Variants in HCN1 observed in about 807,000 individuals in gnomAD.
HCN1 encodes the protein hyperpolarization activated cyclic nucleotide gated potassium channel 1.
Under a neutral mutation model 78.9 loss-of-function variants are expected in HCN1, and 13 were observed. That is an observed-to-expected ratio of 0.16 (90% CI 0.11 to 0.26). HCN1 has a LOEUF of 0.26. Among genes scored for constraint, HCN1 ranks in the 10% least tolerant of loss-of-function variants. The probability of loss-of-function intolerance (pLI) is 1.00; values close to 1 mark genes in which losing one functional copy is unlikely to be tolerated. For synonymous variants in HCN1, 552 were observed against 455.5 expected, an observed-to-expected ratio of 1.21 and a Z score of -2.70; for missense variants, 810 against 1,154.3, an observed-to-expected ratio of 0.70 and a Z score of 4.32.
intron 2 of HCN1, among the ~76,000 whole-genome samples, chr5:45,525,961 C>T (rs1579949784): frequency 6.6e-6 from 1 of 151,846 alleles, no homozygotes; most frequent in Non-Finnish European, 1.5e-5. Context: ...GAGAGCTAAC[C>T]CTTTCTAGCC....
intron 2 of HCN1, chr5:45,644,833 T>A (rs531690857): frequency 2.5e-5 from 7 of 281,620 alleles, no homozygotes; most frequent in African/African-American, 1.1e-4. Flanking sequence ...ACCCTACACA[T>A]CTTTATCAAA....
intron 5 of HCN1, among the ~76,000 whole-genome samples, chr5:45,321,413 T>C (rs191805323): frequency 1.3e-5 from 2 of 151,106 alleles, no homozygotes; most frequent in Admixed American, 6.6e-5. Flanking sequence ...GCTACAGAGC[T>C]AGAATATGTG....
intron 5 of HCN1, among the ~76,000 whole-genome samples, chr5:45,315,134 C>T (rs1745953677): frequency 1.3e-5 from 2 of 152,218 alleles, no homozygotes; most frequent in Admixed American, 6.5e-5. Context: ...CCACATCACA[C>T]TTATTCCAAA....
At chr5:45,378,193 G>T (rs1323576152) in intron 4 of HCN1, among the ~76,000 whole-genome samples, 3 of 151,902 alleles carry the variant, frequency 2.0e-5, no homozygotes, top group African/African-American at 7.2e-5. Flanking sequence ...GCAAATGTCA[G>T]GAAGAAAACC....
chr5:45,300,750 A>T (rs1218580648), intron 6 of HCN1, among the ~76,000 whole-genome samples: 1 of 152,054 alleles, frequency 6.6e-6, no homozygotes, highest in Non-Finnish European at 1.5e-5. Context: ...TTCATTTCTT[A>T]TCCCATCTAA....
At chr5:45,544,947 T>C (rs1003554301) in intron 2 of HCN1, among the ~76,000 whole-genome samples, 2 of 152,158 alleles carry the variant, frequency 1.3e-5, no homozygotes, top group Non-Finnish European at 2.9e-5. Flanking sequence ...TGATTTATAA[T>C]CCTTTGGGTA....
At chr5:45,640,708 G>A (rs1465970259) in intron 2 of HCN1, among the ~76,000 whole-genome samples, 1 of 151,658 alleles carries the variant, frequency 6.6e-6, no homozygotes, top group African/African-American at 2.4e-5. Flanking sequence ...CTGAGAAGCT[G>A]AGATTACAGG....
intron 5 of HCN1, among the ~76,000 whole-genome samples, chr5:45,305,471 G>A (rs535272822): frequency 5.3e-5 from 8 of 152,208 alleles, no homozygotes; most frequent in African/African-American, 1.7e-4. Context: ...GCAAAGACAA[G>A]AGAAAGATAT....
At chr5:45,491,673 C>T (rs906882066) in intron 2 of HCN1, among the ~76,000 whole-genome samples, 4 of 152,120 alleles carry the variant, frequency 2.6e-5, no homozygotes, top group South Asian at 2.1e-4. Flanking sequence ...AGGACATTTT[C>T]AGTTGAATAA....
rs536261824 is a variant in HCN1 at position 45,671,801 on chromosome 5, C to A, written c.425+23868G>T. 9.2e-5 allele frequency among the ~76,000 whole-genome samples: 14 copies of A among 151,568 alleles called. No individual in the cohort carries two copies. In the South Asian group the frequency reaches 2.3e-3, roughly 25 times the overall value. On this transcript the variant is annotated intron_variant, in intron 1 of 7. Transcript: ENST00000303230. Reference sequence around the variant, plus strand: ...TCTGACATGGTTCTGTTCTAAGTTACCACTAATTTAAATTGAGTTAGGACT... The same window carrying A: ...TCTGACATGGTTCTGTTCTAAGTTAACACTAATTTAAATTGAGTTAGGACT...
intron 6 of HCN1, among the ~76,000 whole-genome samples, chr5:45,303,176 T>C (rs1745661527): frequency 6.6e-6 from 1 of 152,250 alleles, no homozygotes; most frequent in East Asian, 1.9e-4. Flanking sequence ...AGTAGGAATA[T>C]CAAACAGAAG....
rs371475458 is a variant in HCN1, at chr5:45,501,768, G to A, written c.850-39761C>T. Among the ~76,000 whole-genome samples, 25 of 152,126 alleles carry A rather than the reference G, an allele frequency of 1.6e-4. 2 individuals carry two copies. Among genetic ancestry groups the A allele is most frequent in the African/African-American group, 5.8e-4 (24 of 41,506 alleles). ...AATTTCACATTTTTTAAAGCATAGA[G>A]TTATGATATGCCCCATATGCCTAGC... is the stretch of plus-strand genomic sequence containing the variant. On this transcript the variant is annotated intron_variant, in intron 2 of 7. Transcript: ENST00000303230.
chr5:45,349,794 G>A (rs949559823), intron 5 of HCN1, among the ~76,000 whole-genome samples: 1 of 151,908 alleles, frequency 6.6e-6, no homozygotes, highest in Non-Finnish European at 1.5e-5. Context: ...AAGATTTCTC[G>A]ACACATACAC....
rs144086646 is a variant in HCN1, at chr5:45,455,984, A to G, written c.1011+5862T>C. Among the ~76,000 whole-genome samples, 85 of 152,056 alleles carry G rather than the reference A, an allele frequency of 5.6e-4. 1 individual carries two copies. Among genetic ancestry groups the G allele is most frequent in the African/African-American group, 1.8e-3 (76 of 41,518 alleles). Reference sequence around the variant, plus strand: ...ATTGTTTCAAATAAAAGTAAAATAGAGTAACCTAGATTTTCCAGTGGAATC... The same window carrying G: ...ATTGTTTCAAATAAAAGTAAAATAGGGTAACCTAGATTTTCCAGTGGAATC... On this transcript the variant is annotated intron_variant, in intron 3 of 7. Coordinates refer to ENST00000303230, the MANE Select transcript of HCN1 (RefSeq NM_021072.4).
chr5:45,423,418 A>G lies in HCN1; in HGVS notation c.1012-26708T>C, dbSNP rs185736471. On this transcript the variant is annotated intron_variant, in intron 3 of 7. Transcript: ENST00000303230. Reference sequence around the variant, plus strand: ...TTTTCCTACCTTTCTAACTTACTCTATTTCAATCACCCTTCACAAAGCCTC... The same window carrying G: ...TTTTCCTACCTTTCTAACTTACTCTGTTTCAATCACCCTTCACAAAGCCTC... Among the ~76,000 whole-genome samples, 431 of 151,850 alleles carry G rather than the reference A, an allele frequency of 2.8e-3. 2 individuals are homozygous for G. Among genetic ancestry groups the G allele is most frequent in the African/African-American group, 9.1e-3 (376 of 41,210 alleles).
At chr5:45,612,651 C>G (rs1001277702) in intron 2 of HCN1, among the ~76,000 whole-genome samples, 1 of 152,128 alleles carries the variant, frequency 6.6e-6, no homozygotes, top group African/African-American at 2.4e-5. Context: ...TATGCATTTA[C>G]TCAACCTTCC....
intron 5 of HCN1, among the ~76,000 whole-genome samples, chr5:45,346,381 C>A (rs1171150727): frequency 1.3e-5 from 2 of 152,034 alleles, no homozygotes; most frequent in African/African-American, 4.8e-5. Context: ...TAATGGTTGG[C>A]AGCCAAGATG....
At chr5:45,372,423 A>G (rs181824971) in intron 4 of HCN1, among the ~76,000 whole-genome samples, 2,595 of 122,180 alleles carry the variant, frequency 0.021, 121 homozygotes, top group African/African-American at 0.079. Context: ...ATAAATATGT[A>G]AAATAATATA....
At chr5:45,532,646 A>G (rs1742883802) in intron 2 of HCN1, among the ~76,000 whole-genome samples, 1 of 152,196 alleles carries the variant, frequency 6.6e-6, no homozygotes, top group Non-Finnish European at 1.5e-5. Flanking sequence ...ATGTTTATTT[A>G]TATCACAACA....
Sources: allele counts gnomAD v4.1 joint callset (sites outside exome capture counted in the v4.1 genomes callset), GRCh38; gene constraint gnomAD v4.1.1; transcripts MANE v1.5; gene names NCBI Gene and HGNC (gene_info 2026-07-23, HGNC 2026-07-21).